Variants in NAALADL2 observed in about 807,000 individuals in gnomAD.
NAALADL2 encodes the protein N-acetylated alpha-linked acidic dipeptidase like 2, also known as inactive N-acetylated-alpha-linked acidic dipeptidase-like protein 2.
NAALADL2 carries 76 observed loss-of-function variants against 87.2 expected under a neutral mutation model. That is an observed-to-expected ratio of 0.87 (90% confidence interval 0.72 to 1.05). NAALADL2 has a LOEUF of 1.05. Among genes scored for constraint, NAALADL2 ranks in the 50% least tolerant of loss-of-function variants. The pLI, the probability that NAALADL2 is intolerant of heterozygous loss-of-function variation, is 0.00. For synonymous variants in NAALADL2, 354 were observed against 331.0 expected (o/e 1.07, Z -0.75); for missense variants, 1,089 against 945.8 (o/e 1.15, Z -1.99).
intron 3 of NAALADL2, among the ~76,000 whole-genome samples, chr3:174,760,326 A>G (rs779093681): frequency 6.6e-6 from 1 of 152,172 alleles, no homozygotes; most frequent in Non-Finnish European, 1.5e-5. Flanking sequence ...GTAATTTTTC[A>G]GTGAAATATG....
rs571637023 is a variant in NAALADL2, at chr3:174,779,876, C to T, written c.-9+42130C>T. On this transcript the variant is annotated intron_variant, in intron 3 of 3. Transcript: ENST00000434257. ...TACCATGCTGTTTTGGTTACTGTAG[C>T]CTTGTAGTATAGTTTGAAGTCAGGT... Among the ~76,000 whole-genome samples the T allele has an allele frequency of 3.5e-4, 53 of 152,194 alleles. 1 individual carries two copies. The East Asian group carries it at 0.01, about 29-fold the overall frequency.
intron 1 of NAALADL2, among the ~76,000 whole-genome samples, chr3:174,889,365 A>C (rs2109779734): frequency 6.6e-6 from 1 of 152,024 alleles, no homozygotes; most frequent in South Asian, 2.1e-4. Flanking sequence ...CTTTTTCTTC[A>C]GGGTTTTAAA....
At chr3:175,072,037 A>G (rs1445933979) in intron 1 of NAALADL2, among the ~76,000 whole-genome samples, 2 of 152,042 alleles carry the variant, frequency 1.3e-5, no homozygotes, top group African/African-American at 4.8e-5. Context: ...GTCGGAATAT[A>G]TGTACATTTT....
At chr3:175,702,300 A>G (rs1739098076) in intron 11 of NAALADL2, among the ~76,000 whole-genome samples, 1 of 152,186 alleles carries the variant, frequency 6.6e-6, no homozygotes, top group African/African-American at 2.4e-5. Flanking sequence ...TATTTATAAA[A>G]GGAATTTTCA....
At chr3:174,710,460 G>T (rs1487670086) in intron 2 of NAALADL2, among the ~76,000 whole-genome samples, 1 of 151,894 alleles carries the variant, frequency 6.6e-6, no homozygotes, top group Non-Finnish European at 1.5e-5. Context: ...CTCCATGTTG[G>T]CCAGGCTGGC....
intron 11 of NAALADL2, among the ~76,000 whole-genome samples, chr3:175,652,957 A>G (rs973423774): frequency 2.6e-5 from 4 of 152,152 alleles, no homozygotes; most frequent in African/African-American, 9.7e-5. Context: ...CTTACTGATA[A>G]CATAAACAGG....
intron 2 of NAALADL2, among the ~76,000 whole-genome samples, chr3:175,120,083 C>T (rs1404433281): frequency 1.7e-5 from 2 of 118,564 alleles, no homozygotes; most frequent in East Asian, 2.6e-4. Context: ...TTAGATGTAC[C>T]GTCAACAGTA....
intron 3 of NAALADL2, among the ~76,000 whole-genome samples, chr3:174,772,896 G>T (rs1484568970): frequency 6.6e-6 from 1 of 152,184 alleles, no homozygotes; most frequent in African/African-American, 2.4e-5. Context: ...GCACTCTAGA[G>T]AGTAATTCTA....
intron 3 of NAALADL2, among the ~76,000 whole-genome samples, chr3:174,839,392 T>C (rs903206121): frequency 6.6e-6 from 1 of 152,078 alleles, no homozygotes; most frequent in African/African-American, 2.4e-5. Context: ...ATAAACACTC[T>C]AGAAGAAATC....
At chr3:175,507,105 GA>G (rs759081720) in intron 9 of NAALADL2, among the ~76,000 whole-genome samples, 1,493 of 139,064 alleles carry the variant, frequency 0.011, 26 homozygotes, top group African/African-American at 0.036. Flanking sequence ...CTACCCTTAG[GA>G]AAAAAAAAAA....
chr3:174,946,544 T>G (rs1183878932), intron 1 of NAALADL2, among the ~76,000 whole-genome samples: 2 of 152,350 alleles, frequency 1.3e-5, no homozygotes, highest in East Asian at 3.9e-4. Context: ...CTTAGAACAG[T>G]GCATGTTATA....
chr3:174,923,355 T>A (rs1735516587), intron 1 of NAALADL2, among the ~76,000 whole-genome samples: 1 of 152,098 alleles, frequency 6.6e-6, no homozygotes, highest in Admixed American at 6.6e-5. Flanking sequence ...GTGCAATAAA[T>A]AAGAAACCAA....
chr3:175,256,540 G>C lies in NAALADL2; in HGVS notation c.939+10G>C, dbSNP rs780620855. On this transcript the variant is annotated intron_variant, in intron 4 of 13. Coordinates refer to ENST00000454872, the MANE Select transcript of NAALADL2 (RefSeq NM_207015.3). ...GCCACTGCTTTATAAGGTTGGTCCA[G>C]TGAATGTTATTCAGTGGTTTGGTCA... The C allele has an allele frequency of 2.5e-6, 4 of 1,607,122 alleles. No individual in the cohort carries two copies. The highest frequency in any genetic ancestry group is 2.2e-5 in the South Asian group (2 of 89,578).
chr3:175,766,801 A>G (rs1748751206), intron 13 of NAALADL2, among the ~76,000 whole-genome samples: 1 of 152,232 alleles, frequency 6.6e-6, no homozygotes, highest in South Asian at 2.1e-4. Flanking sequence ...ATTGCTGTGT[A>G]AATCGTGTGT....
At chr3:175,220,864 G>T (rs919963602) in intron 2 of NAALADL2, among the ~76,000 whole-genome samples, 1 of 151,862 alleles carries the variant, frequency 6.6e-6, no homozygotes, top group South Asian at 2.1e-4. Context: ...GCTGATTCCC[G>T]CAAGTACTGT....
intron 1 of NAALADL2, among the ~76,000 whole-genome samples, chr3:175,027,475 G>T (rs1300303433): frequency 6.6e-6 from 1 of 151,968 alleles, no homozygotes; most frequent in East Asian, 1.9e-4. Flanking sequence ...ATTTTATTAT[G>T]TAATACAATA....
chr3:175,004,376 C>CA (rs538715061), intron 1 of NAALADL2, among the ~76,000 whole-genome samples: 455 of 33,764 alleles, frequency 0.013, 39 homozygotes, highest in Non-Finnish European at 0.023. Context: ...GAGACTATTT[C>CA]AAAAAAAAAA....
intron 11 of NAALADL2, among the ~76,000 whole-genome samples, chr3:175,700,472 G>C (rs1245579661): frequency 6.6e-6 from 1 of 152,132 alleles, no homozygotes; most frequent in African/African-American, 2.4e-5. Flanking sequence ...TTCTGACAAA[G>C]GTAACTGCCT....
At chr3:174,767,406 C>T (rs1713951715) in intron 3 of NAALADL2, among the ~76,000 whole-genome samples, 1 of 152,144 alleles carries the variant, frequency 6.6e-6, no homozygotes, top group Non-Finnish European at 1.5e-5. Context: ...AACTTAATTA[C>T]AAAACTGCCT....
Sources: allele counts gnomAD v4.1 joint callset (sites outside exome capture counted in the v4.1 genomes callset), GRCh38; gene constraint gnomAD v4.1.1; transcripts MANE v1.5; gene names NCBI Gene and HGNC (gene_info 2026-07-23, HGNC 2026-07-21).